Variants in SARDH observed in about 807,000 individuals in gnomAD.
SARDH encodes the protein sarcosine dehydrogenase, mitochondrial.
Under a neutral mutation model 109.1 loss-of-function variants are expected in SARDH, and 95 were observed. The observed-to-expected ratio is 0.87, with a 90% confidence interval of 0.74 to 1.03. The LOEUF (loss-of-function observed/expected upper bound fraction) is 1.03. Ranked by LOEUF, SARDH falls within the 50% of genes least tolerant of loss-of-function variation. The pLI is 0.00. For synonymous variants in SARDH, 572 were observed against 534.8 expected, an observed-to-expected ratio of 1.07 and a Z score of -0.96; for missense variants, 1,267 against 1,287.8, an observed-to-expected ratio of 0.98 and a Z score of 0.25.
chr9:133,660,448 C>T (rs1832398460), downstream of SARDH, among the ~76,000 whole-genome samples: 1 of 152,122 alleles, frequency 6.6e-6, no homozygotes, highest in African/African-American at 2.4e-5. Context: ...GGGATTTTAT[C>T]TAAAATAAGT....
intron 13 of SARDH, 74 bp downstream of exon 13, chr9:133,702,842 C>G: frequency 7.1e-7 from 1 of 1,413,828 alleles, no homozygotes; most frequent in Non-Finnish European, 9.8e-7. Flanking sequence ...CAGGGCCAGC[C>G]GAGGGCCGGC....
At chr9:133,715,418 A>C (rs1318865264) in intron 8 of SARDH, among the ~76,000 whole-genome samples, 1 of 152,090 alleles carries the variant, frequency 6.6e-6, no homozygotes, top group Non-Finnish European at 1.5e-5. Flanking sequence ...AGACCCACGC[A>C]AGCTGCGGGG....
intron 16 of SARDH, among the ~76,000 whole-genome samples, chr9:133,685,487 C>T (rs180825251): frequency 1.9e-4 from 29 of 152,332 alleles, no homozygotes; most frequent in African/African-American, 6.0e-4. Flanking sequence ...AACGGGGTAA[C>T]GCTAGGGCTA....
intron 8 of SARDH, among the ~76,000 whole-genome samples, chr9:133,716,542 G>A (rs1056546123): frequency 1.1e-4 from 17 of 151,882 alleles, no homozygotes; most frequent in Admixed American, 8.5e-4. Context: ...AGAGCCTTCC[G>A]GGCTCCCCAG....
chr9:133,700,036 G>T (rs981751135), intron 13 of SARDH, among the ~76,000 whole-genome samples: 1 of 152,210 alleles, frequency 6.6e-6, no homozygotes, highest in African/African-American at 2.4e-5. Context: ...GGATAAAAAG[G>T]AATGAAGTGG....
At chr9:133,674,280 G>T (rs1386311828) in intron 17 of SARDH, among the ~76,000 whole-genome samples, 1 of 152,262 alleles carries the variant, frequency 6.6e-6, no homozygotes, top group Non-Finnish European at 1.5e-5. Context: ...CGCCCATGGG[G>T]GTCGGCCCAC....
At chr9:133,660,566 A>G (rs1428411959), downstream of SARDH, among the ~76,000 whole-genome samples, 1 of 152,180 alleles carries the variant, frequency 6.6e-6, no homozygotes, top group Non-Finnish European at 1.5e-5. Context: ...TTGGGGTGTG[A>G]GTCCAGCAGC....
chr9:133,730,222 G>C, intron 4 of SARDH, 35 bp from the exon 5 acceptor site: 1 of 1,610,542 alleles, frequency 6.2e-7, no homozygotes, highest in Non-Finnish European at 8.5e-7. Context: ...AAAATCCCAC[G>C]GGACTCCCCG....
In SARDH at chr9:133,693,617, A is replaced by C. The variant is rs1412129110; in HGVS notation, c.1921+641T>G. Among the ~76,000 whole-genome samples, 1 of 152,208 alleles carries C rather than the reference A, an allele frequency of 6.6e-6. No individual in the cohort carries two copies. Among genetic ancestry groups the C allele is most frequent in the Non-Finnish European group, 1.5e-5 (1 of 68,026 alleles). ...TCTTCATCCCTGGTGGGGATGGGTTACAGGACGAGAGATCAGATGGCTCCT... is the reference window on the plus strand; with the variant it reads ...TCTTCATCCCTGGTGGGGATGGGTTCCAGGACGAGAGATCAGATGGCTCCT... On this transcript the variant is annotated intron_variant, in intron 15 of 20. Transcript: ENST00000439388. This position sits in a 1 kb window ranked among gnomAD's most constrained non-coding sequence, Gnocchi z 5.6.
chr9:133,700,730 C>T (rs926315301), intron 13 of SARDH, among the ~76,000 whole-genome samples: 2 of 126,694 alleles, frequency 1.6e-5, no homozygotes, highest in Non-Finnish European at 3.4e-5. Flanking sequence ...CACACACACA[C>T]GCACGCGCAC....
In SARDH at chr9:133,709,834, A is replaced by G. The variant is rs765833041; in HGVS notation, c.1329-1406T>C. Among the ~76,000 whole-genome samples, 1 of 152,070 alleles carries G rather than the reference A, an allele frequency of 6.6e-6. No individual in the cohort carries two copies. The highest frequency in any genetic ancestry group is 1.5e-5 in the Non-Finnish European group (1 of 68,008). ...AACTGAGGCTCGGAAGGGTCTCACAAGTGTTCACAGTCACACGGCAAGGCC... is the reference window on the plus strand; with the variant it reads ...AACTGAGGCTCGGAAGGGTCTCACAGGTGTTCACAGTCACACGGCAAGGCC... On this transcript the variant is annotated intron_variant, in intron 10 of 20. Coordinates refer to ENST00000439388, the MANE Select transcript of SARDH (RefSeq NM_001134707.2). The surrounding 1 kb of genome is among the most constrained non-coding windows in gnomAD (Gnocchi z 4.2).
chr9:133,679,456 C>T (rs909663092), intron 17 of SARDH, among the ~76,000 whole-genome samples: 1 of 152,260 alleles, frequency 6.6e-6, no homozygotes, highest in African/African-American at 2.4e-5. Flanking sequence ...AATTAATTTT[C>T]AGAGAAAATC....
intron 20 of SARDH, among the ~76,000 whole-genome samples, chr9:133,664,849 C>T (rs536343211): frequency 2.0e-5 from 3 of 152,206 alleles, no homozygotes; most frequent in African/African-American, 4.8e-5. Flanking sequence ...AGCTGCCCCC[C>T]GCAGGCAGGC....
At chr9:133,677,746 G>A (rs129889) in intron 17 of SARDH, among the ~76,000 whole-genome samples, 37,352 of 152,204 alleles carry the variant, frequency 0.25, 4,824 homozygotes, top group East Asian at 0.4. Context: ...CCTGTTGCCC[G>A]TCTTCCCAGT....
chr9:133,660,630 C>T (rs1413730392), downstream of SARDH, among the ~76,000 whole-genome samples: 1 of 152,164 alleles, frequency 6.6e-6, no homozygotes, highest in Non-Finnish European at 1.5e-5. Context: ...TACTTTCCTT[C>T]CCTAGGCTTG....
chr9:133,732,093 C>A (rs1057117755), intron 3 of SARDH, among the ~76,000 whole-genome samples: 2 of 152,176 alleles, frequency 1.3e-5, no homozygotes, highest in Non-Finnish European at 2.9e-5. Flanking sequence ...GTGGCACAGC[C>A]AGCAAGGGGC....
At chr9:133,714,152 C>T (rs183005155) in intron 8 of SARDH, among the ~76,000 whole-genome samples, 71 of 152,192 alleles carry the variant, frequency 4.7e-4, no homozygotes, top group Admixed American at 2.4e-3. Flanking sequence ...AACGATGATA[C>T]GGGGATGGCT....
rs761056450 is a variant in SARDH at position 133,709,639 on chromosome 9, C to T, written c.1329-1211G>A. ...GATGGGTGGGGAGTAGAGGTGCAGA[C>T]GTGAGGATTATTATTAATGATATTA... On this transcript the variant is annotated intron_variant, in intron 10 of 20. Transcript: ENST00000439388. The surrounding 1 kb of genome is among the most constrained non-coding windows in gnomAD (Gnocchi z 4.2). Among the ~76,000 whole-genome samples, 3 of 152,052 alleles carry T rather than the reference C, an allele frequency of 2.0e-5. No individual in the cohort carries two copies. The highest frequency in any genetic ancestry group is 6.5e-5 in the Admixed American group (1 of 15,274).
rs192984034 is a variant in SARDH at position 133,683,935 on chromosome 9, A to T, written c.2163+1258T>A. 1.7e-4 allele frequency among the ~76,000 whole-genome samples: 26 copies of T among 152,330 alleles called. No homozygotes were observed. The East Asian group carries it at 4.8e-3, about 28-fold the overall frequency. ...AAGGCCACATCCGTGTCACTGACACATATCGGGGGCTTTCTGGGTTTCTTT... is the reference window on the plus strand; with the variant it reads ...AAGGCCACATCCGTGTCACTGACACTTATCGGGGGCTTTCTGGGTTTCTTT... On this transcript the variant is annotated intron_variant, in intron 17 of 20. Coordinates refer to ENST00000439388, the MANE Select transcript of SARDH (RefSeq NM_001134707.2).
Sources: gnomAD v4.1 joint callset for allele counts (sites outside exome capture counted in the v4.1 genomes callset) on GRCh38, gnomAD v4.1.1 for gene constraint, Gnocchi (gnomAD v3.1) non-coding constraint, MANE v1.5 for transcripts, NCBI Gene and HGNC (gene_info 2026-07-23, HGNC 2026-07-21) for gene names.